Variants in TTC27 observed in about 807,000 individuals in gnomAD.
TTC27 encodes tetratricopeptide repeat domain 27, also known as tetratricopeptide repeat protein 27.
Under a neutral mutation model 115.9 loss-of-function variants are expected in TTC27, and 79 were observed. That is an observed-to-expected ratio of 0.68 (90% CI 0.57 to 0.82). The LOEUF (loss-of-function observed/expected upper bound fraction) is 0.82, where lower values mean the gene tolerates loss of function less well. Among genes scored for constraint, TTC27 ranks in the 40% least tolerant of loss-of-function variants. TTC27 has a pLI of 0.00. For missense variants in TTC27, 1,054 were observed against 993.1 expected (o/e 1.06, Z -0.82); for synonymous variants, 401 against 356.0 (o/e 1.13, Z -1.42).
chr2:32,664,482 T>C lies in TTC27; in HGVS notation c.805+15T>C. On this transcript the variant is annotated intron_variant, in intron 6 of 19. Coordinates refer to ENST00000317907, the MANE Select transcript of TTC27 (RefSeq NM_017735.5). ...TGATTTGACAGGTAAGACTTATTTT[T>C]TGTGGATAATTGATTTTATTTTTAT... 4 of 1,586,826 alleles carry C rather than the reference T, an allele frequency of 2.5e-6. No individual in the cohort carries two copies. The highest frequency in any genetic ancestry group is 3.4e-6 in the Non-Finnish European group (4 of 1,171,940).
intron 10 of TTC27, among the ~76,000 whole-genome samples, chr2:32,707,799 A>G (rs1667429118): frequency 6.6e-6 from 1 of 152,152 alleles, no homozygotes; most frequent in Admixed American, 6.5e-5. Flanking sequence ...AGTAGCAACA[A>G]GCACATCTAG....
chr2:32,630,462 A>G (rs1572454255), intron 1 of TTC27, 61 bp from the exon 2 acceptor site: 1 of 1,334,876 alleles, frequency 7.5e-7, no homozygotes, highest in East Asian at 2.3e-5. Context: ...TAATAGTGTT[A>G]TCCTTTACGG....
rs1558340167 is a variant in TTC27 at position 32,780,012 on chromosome 2, ATCACATTTCATTGACTGTATG to A, written c.1779+2049_1779+2069del. 1.2e-5 allele frequency: 5 copies of A among 424,040 alleles called. No homozygotes were observed. In the East Asian group the frequency reaches 2.2e-4, roughly 18 times the overall value. The allele number at this position is 424,040 out of a possible 1,614,324, so 26.3% of individuals were successfully genotyped here. ...GTAAGGATGTATTTATGGTCCATCA[ATCACATTTCATTGACTGTATG>A]TCACATTTCATTGACTATAGGTCTG... is the stretch of plus-strand genomic sequence containing the variant. On this transcript the variant is annotated intron_variant, in intron 14 of 19. Coordinates refer to ENST00000317907, the MANE Select transcript of TTC27 (RefSeq NM_017735.5).
At chr2:32,687,172 A>G (rs1222690960) in intron 9 of TTC27, among the ~76,000 whole-genome samples, 1 of 152,200 alleles carries the variant, frequency 6.6e-6, no homozygotes, top group Non-Finnish European at 1.5e-5. Context: ...ACATATTTAG[A>G]AGGCATTCAA....
intron 5 of TTC27, among the ~76,000 whole-genome samples, chr2:32,653,607 C>CA (rs548978296): frequency 0.041 from 5,503 of 135,266 alleles, 141 homozygotes; most frequent in Non-Finnish European, 0.056. Flanking sequence ...AAAAAAAAAA[C>CA]AAAAAAAAAA....
chr2:32,657,933 G>A (rs1010373828), intron 5 of TTC27, among the ~76,000 whole-genome samples: 2 of 151,988 alleles, frequency 1.3e-5, no homozygotes, highest in African/African-American at 4.8e-5. Flanking sequence ...GGGTTCAAGT[G>A]ATTCTCCAGC....
At chr2:32,664,675 G>C (rs917171867) in intron 6 of TTC27, among the ~76,000 whole-genome samples, 1 of 151,982 alleles carries the variant, frequency 6.6e-6, no homozygotes, top group African/African-American at 2.4e-5. Context: ...CATTTATTGC[G>C]CTGATCTGTT....
chr2:32,739,455 C>T (rs1208795825), intron 12 of TTC27, among the ~76,000 whole-genome samples: 1 of 151,944 alleles, frequency 6.6e-6, no homozygotes, highest in Non-Finnish European at 1.5e-5. Context: ...TTGACTGTCC[C>T]CCTAAGTAGT....
At chr2:32,754,150 T>C (rs1290749921) in intron 12 of TTC27, among the ~76,000 whole-genome samples, 4 of 144,450 alleles carry the variant, frequency 2.8e-5, no homozygotes, top group African/African-American at 1.1e-4. Flanking sequence ...CTACATTCTT[T>C]TTTTTTTTTT....
intron 3 of TTC27, among the ~76,000 whole-genome samples, chr2:32,639,701 T>C (rs1664567758): frequency 2.6e-5 from 4 of 152,180 alleles, no homozygotes; most frequent in Admixed American, 2.6e-4. Context: ...TTGAGTTCCT[T>C]GTTTCTCTAA....
At chr2:32,810,105 A>T (rs1043130571) in intron 16 of TTC27, among the ~76,000 whole-genome samples, 25 of 120,346 alleles carry the variant, frequency 2.1e-4, no homozygotes, top group African/African-American at 8.8e-4. Context: ...ACAGAGTAAG[A>T]CTCTGTCTCA....
chr2:32,772,012 T>A (rs1156996618), intron 13 of TTC27, among the ~76,000 whole-genome samples: 1 of 152,152 alleles, frequency 6.6e-6, no homozygotes, highest in African/African-American at 2.4e-5. Context: ...TTATCAATGA[T>A]GTGGAAACTT....
intron 18 of TTC27, among the ~76,000 whole-genome samples, chr2:32,812,901 C>T (rs571509253): frequency 6.6e-6 from 1 of 152,266 alleles, no homozygotes; most frequent in East Asian, 1.9e-4. Context: ...CTTTGTATAA[C>T]CTTCATTCCA....
intron 12 of TTC27, 51 bp downstream of exon 12, chr2:32,736,867 C>A (rs759476020): frequency 1.3e-6 from 2 of 1,586,288 alleles, no homozygotes; most frequent in Admixed American, 3.7e-5. Flanking sequence ...CCTCTGGGAG[C>A]ATCTTCTCAC....
intron 5 of TTC27, among the ~76,000 whole-genome samples, chr2:32,662,755 G>GT (rs1176777069): frequency 4.0e-5 from 6 of 151,844 alleles, no homozygotes; most frequent in Non-Finnish European, 8.8e-5. Context: ...TTTTGGAAGG[G>GT]TTTTTTGTGT....
At chr2:32,718,366 A>G (rs895177807) in intron 10 of TTC27, among the ~76,000 whole-genome samples, 1 of 152,166 alleles carries the variant, frequency 6.6e-6, no homozygotes, top group Non-Finnish European at 1.5e-5. Flanking sequence ...TGACCAATTA[A>G]TAATATTTAG....
chr2:32,767,194 C>T (rs1295681419), intron 13 of TTC27, among the ~76,000 whole-genome samples: 2 of 152,100 alleles, frequency 1.3e-5, no homozygotes, highest in African/African-American at 4.8e-5. Flanking sequence ...TACCATTGCA[C>T]TTAAAACATC....
chr2:32,773,321 C>T (rs1669890491), intron 13 of TTC27, among the ~76,000 whole-genome samples: 1 of 152,228 alleles, frequency 6.6e-6, no homozygotes, highest in Non-Finnish European at 1.5e-5. Context: ...TTGCCCCATC[C>T]TGTGGCCACC....
rs1303352183 is a variant in TTC27, at chr2:32,666,737, C to T, written c.908C>T (p.Pro303Leu). 1.9e-6 allele frequency: 3 copies of T among 1,613,720 alleles called. No individual in the cohort carries two copies. Among genetic ancestry groups the T allele is most frequent in the Non-Finnish European group, 2.5e-6 (3 of 1,179,806 alleles). Reference sequence around the variant, plus strand: ...GTCCTTTCAAATTGTGAATTCACTCCAGCACCCACTCCTCAGGAACATTTA... The same window carrying T: ...GTCCTTTCAAATTGTGAATTCACTCTAGCACCCACTCCTCAGGAACATTTA... Reference protein sequence around the residue: ...GDVLSNCEFTPAPTPQEHLTK... With the variant: ...GDVLSNCEFTLAPTPQEHLTK... The change falls in exon 7 of 20, where the codon CCA (proline) becomes CTA (leucine). Residue 303 changes from proline to leucine, a missense_variant. Transcript: ENST00000317907.
Sources: allele counts gnomAD v4.1 joint callset (sites outside exome capture counted in the v4.1 genomes callset), GRCh38; gene constraint gnomAD v4.1.1; transcripts MANE v1.5; gene names NCBI Gene and HGNC (gene_info 2026-07-23, HGNC 2026-07-21).